The following IQCE variants were observed in gnomAD, a reference collection of about 807,000 sequenced individuals.
IQCE encodes IQ motif containing E.
In IQCE, 115 loss-of-function variants were observed where a neutral mutation model predicts 96.0. That is an observed-to-expected ratio of 1.20 (90% confidence interval 1.03 to 1.40). The LOEUF (loss-of-function observed/expected upper bound fraction) is 1.40, where lower values mean the gene tolerates loss of function less well. IQCE is among the 40% of genes most tolerant of loss of function. The pLI is 0.00. For synonymous variants in IQCE, 412 were observed against 371.2 expected, an observed-to-expected ratio of 1.11 and a Z score of -1.26; for missense variants, 1,041 against 909.1, an observed-to-expected ratio of 1.15 and a Z score of -1.87.
intron 15 of IQCE, among the ~76,000 whole-genome samples, chr7:2,594,024 G>A (rs1172313207): frequency 6.6e-6 from 1 of 152,190 alleles, no homozygotes; most frequent in East Asian, 1.9e-4. Flanking sequence ...CACTTTGGGA[G>A]GCCGAGGCGG....
chr7:2,599,623 A>G (rs1784298722), intron 17 of IQCE, among the ~76,000 whole-genome samples: 1 of 151,634 alleles, frequency 6.6e-6, no homozygotes, highest in African/African-American at 2.4e-5. Flanking sequence ...CAGCCTCCCA[A>G]GTAGTTGGGA....
At chr7:2,565,099 T>TGTGTGTGTGTGAGTGCATGTGTGC (rs1562618079) in intron 1 of IQCE, among the ~76,000 whole-genome samples, 1 of 147,046 alleles carries the variant, frequency 6.8e-6, no homozygotes, top group African/African-American at 2.5e-5. Flanking sequence ...TGTGTGTGCG[T>TGTGTGTGTGTGAGTGCATGTGTGC]GTGTGTGTGT....
At chr7:2,588,446 C>T (rs150465088) in intron 13 of IQCE, among the ~76,000 whole-genome samples, 2,424 of 151,450 alleles carry the variant, frequency 0.016, 59 homozygotes, top group African/African-American at 0.053. Flanking sequence ...CTCCGCCTCC[C>T]GAGTTCAAGT....
Position 2,586,234 on chromosome 7 carries a change from C to A in IQCE, c.851C>A (p.Ala284Asp). Residue 284 changes from alanine (A) to aspartate (D), a missense_variant, in exon 12 of 22, where the codon GCC becomes GAC. Transcript: ENST00000402050. ...CCCCTGGGGGAGAAGAAGACGGGCG[C>A]CAAAAGGCAGAAGAAGATGGGCAGT... ...KKPLGEKKTG[A>D]KRQKKMGSAL... is the part of the protein sequence containing the mutation. The A allele has an allele frequency of 6.2e-7, 1 of 1,613,908 alleles. No individual in the cohort carries two copies. The highest frequency in any genetic ancestry group is 1.1e-5 in the South Asian group (1 of 91,062).
Position 2,611,896 on chromosome 7 carries a change from C to G in IQCE, c.*1734C>G, listed in dbSNP as rs898281921. 21 of 152,106 alleles carry G rather than the reference C, an allele frequency of 1.4e-4. No individual in the cohort carries two copies. The highest frequency in any genetic ancestry group is 1.1e-3 in the Admixed American group (17 of 15,262). 9.4% of individuals were successfully genotyped at this position (152,106 alleles called of 1,614,324 possible). ...ATGGACTGTGTAACTGACACAGGCCCTCTTTAGACCCCTGCCTTCACCCCA... is the reference window on the plus strand; with the variant it reads ...ATGGACTGTGTAACTGACACAGGCCGTCTTTAGACCCCTGCCTTCACCCCA... On this transcript the variant is annotated 3_prime_UTR_variant, in exon 22 of 22. Coordinates refer to ENST00000402050, the MANE Select transcript of IQCE (RefSeq NM_152558.5).
intron 18 of IQCE, among the ~76,000 whole-genome samples, chr7:2,602,931 C>T (rs748476559): frequency 8.5e-5 from 13 of 152,340 alleles, no homozygotes; most frequent in Non-Finnish European, 1.6e-4. Flanking sequence ...CACGAGCAGA[C>T]AGCTGGACTG....
In IQCE at chr7:2,604,999, C is replaced by T. The variant is rs372253231; in HGVS notation, c.1743+8C>T. On this transcript the variant is annotated splice_region_variant and intron_variant, in intron 19 of 21. Transcript: ENST00000402050. ...CCAGGCCTCCCAGACCAGGTAATGT[C>T]GGGGTGCTGGACGTCCCAGTGGCCA... is the stretch of plus-strand genomic sequence containing the variant. 187 of 1,599,444 alleles carry T rather than the reference C, an allele frequency of 1.2e-4. No homozygotes were observed. The highest frequency in any genetic ancestry group is 5.5e-4 in the African/African-American group (41 of 74,642).
chr7:2,596,321 G>T (rs1261041474), intron 16 of IQCE, among the ~76,000 whole-genome samples: 1 of 151,034 alleles, frequency 6.6e-6, no homozygotes, highest in Non-Finnish European at 1.5e-5. Flanking sequence ...AGAGGAGAGA[G>T]AGAGAGAGAG....
At chr7:2,596,761 CAG>C (rs1784070180) in intron 16 of IQCE, 3 of 339,100 alleles carry the variant, frequency 8.8e-6, no homozygotes, top group East Asian at 1.5e-4. Context: ...CGCGGACTAA[CAG>C]ATGATCTCAC....
chr7:2,608,525 C>T (rs1161691714), intron 21 of IQCE, among the ~76,000 whole-genome samples: 2 of 152,220 alleles, frequency 1.3e-5, no homozygotes, highest in African/African-American at 4.8e-5. Flanking sequence ...TTGTAAAGCT[C>T]AACACAAAGA....
In IQCE at chr7:2,584,294, G is replaced by T; in HGVS notation, c.824+9G>T. Reference sequence around the variant, plus strand: ...GAAACCACCGGAAAGAAGTATGATGGCCGCTTGCAAGCTGTGTTTTGTGTG... The same window carrying T: ...GAAACCACCGGAAAGAAGTATGATGTCCGCTTGCAAGCTGTGTTTTGTGTG... On this transcript the variant is annotated intron_variant, in intron 11 of 21. Coordinates refer to ENST00000402050, the MANE Select transcript of IQCE (RefSeq NM_152558.5). The T allele has an allele frequency of 6.2e-7, 1 of 1,613,638 alleles. No individual in the cohort carries two copies. Among genetic ancestry groups the T allele is most frequent in the Non-Finnish European group, 8.5e-7 (1 of 1,179,508 alleles).
rs562279984 is a variant in IQCE at position 2,596,513 on chromosome 7, G to A, written c.1440+1537G>A. 2.0e-5 allele frequency among the ~76,000 whole-genome samples: 3 copies of A among 152,016 alleles called. No homozygotes were observed. In the East Asian group the frequency reaches 5.8e-4, roughly 29 times the overall value. On this transcript the variant is annotated intron_variant, in intron 16 of 21. Coordinates refer to ENST00000402050, the MANE Select transcript of IQCE (RefSeq NM_152558.5). Reference sequence around the variant, plus strand: ...GGAAACATTTCTATTTTAGAGAAAAGGAAGAGTGGGATTAATTGAGTGATC... The same window carrying A: ...GGAAACATTTCTATTTTAGAGAAAAAGAAGAGTGGGATTAATTGAGTGATC...
intron 14 of IQCE, 37 bp from the exon 15 acceptor site, chr7:2,592,985 T>C: frequency 6.4e-7 from 1 of 1,563,682 alleles, no homozygotes; most frequent in South Asian, 1.2e-5. Flanking sequence ...CCTACAGTTT[T>C]TGTGAACGCT....
intron 12 of IQCE, 136 bp downstream of exon 12, chr7:2,586,507 CAT>C: frequency 1.1e-6 from 1 of 930,368 alleles, no homozygotes. Flanking sequence ...CCAGTTCCCA[CAT>C]GTGCCAGCAC....
intron 16 of IQCE, chr7:2,597,249 G>A (rs575857301): frequency 2.4e-6 from 1 of 410,066 alleles, no homozygotes; most frequent in Non-Finnish European, 5.1e-6. Context: ...GATTAAGGCT[G>A]AGAAACACTG....
At position 2,578,251 on chromosome 7, in the gene IQCE, G is replaced by T; in HGVS notation, c.475G>T (p.Val159Leu). The T allele has an allele frequency of 1.9e-6, 3 of 1,613,258 alleles. No homozygotes were observed. The highest frequency in any genetic ancestry group is 1.3e-5 in the African/African-American group (1 of 75,022). The change falls in exon 7 of 22, where the codon GTG (valine) becomes TTG (leucine). Residue 159 changes from valine to leucine, a missense_variant. Transcript: ENST00000402050. ...EIIELKKSLH[V>L]QKSDVDLMRT... is the part of the protein sequence containing the mutation. ...CCCTTGTTTTCTTCAGTCATTGCAC[G>T]TGCAGAAGAGCGACGTGGACCTGAT...
chr7:2,572,062 AG>A (rs1353442061), intron 4 of IQCE, 129 bp from the exon 5 acceptor site: 1 of 976,042 alleles, frequency 1.0e-6, no homozygotes, highest in African/African-American at 1.6e-5. Context: ...ACCATTTACC[AG>A]CACGACACTG....
intron 11 of IQCE, among the ~76,000 whole-genome samples, chr7:2,585,048 A>ATTTT (rs34559707): frequency 2.8e-5 from 4 of 140,536 alleles, no homozygotes; most frequent in Non-Finnish European, 3.1e-5. Context: ...TGCTCATAAC[A>ATTTT]TTTTTTTTTT....
In IQCE at chr7:2,614,435, GC is replaced by G. The variant is rs1785218818; in HGVS notation, c.*4275del. On this transcript the variant is annotated 3_prime_UTR_variant, in exon 22 of 22. Coordinates refer to ENST00000402050, the MANE Select transcript of IQCE (RefSeq NM_152558.5). Reference sequence around the variant, plus strand: ...CTCCCACCTCGCCAAGCTCCCAAGGGCCTGCTGGCAGTGCCTACGCTGTGCC... The same window carrying G: ...CTCCCACCTCGCCAAGCTCCCAAGGGCTGCTGGCAGTGCCTACGCTGTGCC... 2 of 152,220 alleles carry G rather than the reference GC, an allele frequency of 1.3e-5. No homozygotes were observed. The highest frequency in any genetic ancestry group is 4.1e-4 in the South Asian group (2 of 4,820). The allele number at this position is 152,220 out of a possible 1,614,324, so 9.4% of individuals were successfully genotyped here.
Sources: gnomAD v4.1 joint callset for allele counts (sites outside exome capture counted in the v4.1 genomes callset) on GRCh38, gnomAD v4.1.1 for gene constraint, MANE v1.5 for transcripts, NCBI Gene and HGNC (gene_info 2026-07-23, HGNC 2026-07-21) for gene names.